The following OGFOD1 variants were observed in gnomAD, a reference collection of about 807,000 sequenced individuals.
The protein encoded by OGFOD1 is prolyl 3-hydroxylase OGFOD1.
A neutral mutation model predicts 67.7 loss-of-function variants in OGFOD1; 54 were observed. The ratio of observed to expected loss-of-function variants is 0.80; its 90% CI spans 0.64 to 1.00. The LOEUF is 1.00. Ranked by LOEUF, OGFOD1 falls within the 50% of genes least tolerant of loss-of-function variation. The probability of loss-of-function intolerance (pLI) is 0.00; values close to 1 mark genes in which losing one functional copy is unlikely to be tolerated. For missense variants in OGFOD1, 606 were observed against 646.7 expected, an observed-to-expected ratio of 0.94 and a Z score of 0.68; for synonymous variants, 221 against 227.0, an observed-to-expected ratio of 0.97 and a Z score of 0.24.
At chr16:56,470,883 T>C in intron 10 of OGFOD1, 92 bp downstream of exon 10, 1 of 1,296,834 alleles carries the variant, frequency 7.7e-7, no homozygotes, top group East Asian at 2.5e-5. Flanking sequence ...GAGCATCTAC[T>C]GTGCCCTAAG....
chr16:56,476,070 T>A lies in OGFOD1; in HGVS notation c.1494T>A (p.Asn498Lys). ...EELLTVNPES[N>K]SLALVYRDRE... ...TGCTAACAGTGAATCCAGAAAGCAA[T>A]TCTTTGGCATTGGTCTACAGAGACA... Residue 498 changes from asparagine to lysine, a missense_variant, in exon 13 of 13, where the codon AAT (asparagine) becomes AAA (lysine). By Grantham distance (94) the Asn-to-Lys change is moderately conservative. Transcript: ENST00000566157. 1 of 1,613,212 alleles carries A rather than the reference T, an allele frequency of 6.2e-7. No individual in the cohort carries two copies. The highest frequency in any genetic ancestry group is 8.5e-7 in the Non-Finnish European group (1 of 1,179,710).
rs11645447 is a variant in OGFOD1 at position 56,451,763 on chromosome 16, C to A, written c.151C>A (p.His51Asn). The change falls in exon 1 of 13, where the codon CAC (histidine) becomes AAC (asparagine). Residue 51 changes from histidine to asparagine, a missense_variant. His to Asn is a moderately conservative substitution (Grantham distance 68). Transcript: ENST00000566157. ...CTGGAGCCGCAGGACGCCGTTCAGT[C>A]ACGGTAACCGGGTGCTCTCAGGGAG... The part of the protein sequence containing the change: ...EAWSRRTPFS[H>N]EVIVMDMDPF... 8 of 1,612,226 alleles carry A rather than the reference C, an allele frequency of 5.0e-6. No individual in the cohort carries two copies. The South Asian group carries it at 7.7e-5, about 16-fold the overall frequency.
chr16:56,468,333 T>C (rs1314565145), intron 8 of OGFOD1, among the ~76,000 whole-genome samples: 2 of 152,236 alleles, frequency 1.3e-5, no homozygotes, highest in Non-Finnish European at 2.9e-5. Context: ...ATGGTGCTTC[T>C]TATTACTTTT....
rs1483760493 is a variant in OGFOD1 at position 56,478,550 on chromosome 16, T to C, written c.*2345T>C. 6.6e-6 allele frequency: 1 copy of C among 152,224 alleles called. No individual in the cohort carries two copies. Among genetic ancestry groups the C allele is most frequent in the African/African-American group, 2.4e-5 (1 of 41,444 alleles). The allele number at this position is 152,224 out of a possible 1,614,324, so 9.4% of individuals were successfully genotyped here. A position where few individuals can be genotyped will look rare whatever the true frequency, so the allele number is the denominator to read the frequency against. ...TTGAGGGGAAAGGGTGTCAGTGGCATAACTTCAGGAAGACCCAGGGAAAAG... is the reference window on the plus strand; with the variant it reads ...TTGAGGGGAAAGGGTGTCAGTGGCACAACTTCAGGAAGACCCAGGGAAAAG... On this transcript the variant is annotated 3_prime_UTR_variant, in exon 13 of 13. Coordinates refer to ENST00000566157, the MANE Select transcript of OGFOD1 (RefSeq NM_018233.4).
chr16:56,475,617 C>T, intron 12 of OGFOD1, 52 bp downstream of exon 12: 1 of 1,550,308 alleles, frequency 6.5e-7, no homozygotes, highest in Non-Finnish European at 8.9e-7. Flanking sequence ...AGAATGCTTT[C>T]ATTTTTCAAA....
intron 10 of OGFOD1, among the ~76,000 whole-genome samples, chr16:56,471,686 G>A (rs1596986007): frequency 6.6e-6 from 1 of 152,302 alleles, no homozygotes; most frequent in South Asian, 2.1e-4. Context: ...AAAATCAGTG[G>A]TTTGAGATGC....
chr16:56,465,985 G>A, intron 4 of OGFOD1, 167 bp from the exon 5 acceptor site: 1 of 552,398 alleles, frequency 1.8e-6, no homozygotes, highest in Non-Finnish European at 3.2e-6. Flanking sequence ...TGACTTATTT[G>A]TTTACTTATA....
chr16:56,455,008 C>T (rs548745777), intron 2 of OGFOD1: 41 of 170,700 alleles, frequency 2.4e-4, no homozygotes, highest in East Asian at 2.2e-3. Flanking sequence ...TGGGGCCATA[C>T]GCATCTGATT....
In OGFOD1 at chr16:56,470,527, T is replaced by G. The variant is rs774583609; in HGVS notation, c.1021T>G (p.Leu341Val). 6.8e-6 allele frequency: 11 copies of G among 1,613,844 alleles called. No homozygotes were observed. Among genetic ancestry groups the G allele is most frequent in the Non-Finnish European group, 9.3e-6 (11 of 1,179,992 alleles). The change falls in exon 10 of 13, where the codon TTG becomes GTG. Residue 341 changes from leucine (L) to valine (V), a missense_variant. Transcript: ENST00000566157. ...TGAGGAGAGTAAGCTTCCTGAGATA[T>G]TGAAGGAGTGCATGAAGTTATTTCG... ...KAEESKLPEILKECMKLFRSE... is the reference protein window; with the variant it reads ...KAEESKLPEIVKECMKLFRSE...
intron 3 of OGFOD1, among the ~76,000 whole-genome samples, chr16:56,462,112 A>G (rs1418435639): frequency 6.6e-6 from 1 of 151,872 alleles, no homozygotes; most frequent in Non-Finnish European, 1.5e-5. Context: ...AAAAGAAAGA[A>G]AAGAAAAGAA....
chr16:56,451,589 C>T lies in OGFOD1; in HGVS notation c.-24C>T, dbSNP rs1294238359. Reference sequence around the variant, plus strand: ...GAAGGTAGCGTCTTGATCTGCGTGGCGTGGTTCTGTGCCTTGGGAAGAGAT... The same window carrying T: ...GAAGGTAGCGTCTTGATCTGCGTGGTGTGGTTCTGTGCCTTGGGAAGAGAT... On this transcript the variant is annotated 5_prime_UTR_variant, in exon 1 of 13. Transcript: ENST00000566157. 3.1e-6 allele frequency: 5 copies of T among 1,611,980 alleles called. No individual in the cohort carries two copies. The highest frequency in any genetic ancestry group is 1.7e-5 in the Admixed American group (1 of 59,942).
At position 56,466,191 on chromosome 16, in the gene OGFOD1, G is replaced by T. The variant is rs200026611; in HGVS notation, c.488G>T (p.Arg163Leu). ...LCHDDELEGR[R>L]IAFILYLVPP... The stretch of plus-strand genomic sequence containing the variant: ...CATGATGATGAGCTGGAAGGGCGCC[G>T]GATTGCCTTCATCCTGTACCTGGTT... The change falls in exon 5 of 13, where the codon CGG becomes CTG. Residue 163 changes from arginine (R) to leucine (L), a missense_variant. Arg to Leu is a moderately radical substitution (Grantham distance 102). Transcript: ENST00000566157. 5 of 1,613,956 alleles carry T rather than the reference G, an allele frequency of 3.1e-6. No individual in the cohort carries two copies. Among genetic ancestry groups the T allele is most frequent in the Non-Finnish European group, 3.4e-6 (4 of 1,179,966 alleles).
intron 2 of OGFOD1, 184 bp downstream of exon 2, chr16:56,453,592 A>G (rs545646303): frequency 7.4e-6 from 4 of 544,152 alleles, no homozygotes; most frequent in East Asian, 6.2e-5. Flanking sequence ...GTTAAGTGCT[A>G]TAATTATATG....
intron 4 of OGFOD1, among the ~76,000 whole-genome samples, chr16:56,464,716 TTC>T (rs1157202092): frequency 1.3e-5 from 2 of 152,190 alleles, no homozygotes; most frequent in Non-Finnish European, 2.9e-5. Context: ...GTCCCCATCA[TTC>T]TTTTTTTTTT....
chr16:56,453,140 G>T, intron 1 of OGFOD1, 123 bp from the exon 2 acceptor site: 1 of 938,066 alleles, frequency 1.1e-6, no homozygotes, highest in Non-Finnish European at 1.6e-6. Flanking sequence ...CCAAATCTTA[G>T]ACTTTAAGTA....
rs1963486803 is a variant in OGFOD1, at chr16:56,476,577, ATTG to A, written c.*377_*379del. 6.4e-6 allele frequency: 1 copy of A among 156,296 alleles called. No individual in the cohort carries two copies. 9.7% of individuals were successfully genotyped at this position (156,296 alleles called of 1,614,324 possible). A position where few individuals can be genotyped will look rare whatever the true frequency, so the allele number is the denominator to read the frequency against. ...AATTCAGTGGATTAAGTACATTCTCATTGTTGTCCAGCCATCACCATCATCCAT... is the reference window on the plus strand; with the variant it reads ...AATTCAGTGGATTAAGTACATTCTCATTGTCCAGCCATCACCATCATCCAT... On this transcript the variant is annotated 3_prime_UTR_variant, in exon 13 of 13. Transcript: ENST00000566157.
chr16:56,461,408 C>T (rs1376751164), intron 3 of OGFOD1, among the ~76,000 whole-genome samples: 1 of 152,210 alleles, frequency 6.6e-6, no homozygotes, highest in Non-Finnish European at 1.5e-5. Flanking sequence ...CCATACCTCA[C>T]CCTATACATC....
rs2144029884 is a variant in OGFOD1 at position 56,469,995 on chromosome 16, T to A, written c.901-8T>A. 1 of 1,613,908 alleles carries A rather than the reference T, an allele frequency of 6.2e-7. No individual in the cohort carries two copies. Among genetic ancestry groups the A allele is most frequent in the South Asian group, 1.1e-5 (1 of 91,080 alleles). ...TGCTGAATGCTTCTTTATTTGCTCA[T>A]TTTCTAGCCTGAGAAATTCACGAAA... On this transcript the variant is annotated splice_polypyrimidine_tract_variant and splice_region_variant and intron_variant, in intron 8 of 12. Transcript: ENST00000566157.
chr16:56,470,378 C>T (rs778937913), intron 9 of OGFOD1, 109 bp from the exon 10 acceptor site: 5 of 1,029,332 alleles, frequency 4.9e-6, no homozygotes, highest in Non-Finnish European at 7.1e-6. Flanking sequence ...CCTTAGTAAG[C>T]TGTGCCAAGA....
Sources: allele counts gnomAD v4.1 joint callset (sites outside exome capture counted in the v4.1 genomes callset), GRCh38; gene constraint gnomAD v4.1.1; transcripts MANE v1.5; gene names NCBI Gene and HGNC (gene_info 2026-07-23, HGNC 2026-07-21).